Variants in CMTR1 observed in about 807,000 individuals in gnomAD.
CMTR1 encodes cap methyltransferase 1.
CMTR1 carries 39 observed loss-of-function variants against 107.0 expected under a neutral mutation model. That is an observed-to-expected ratio of 0.36 (90% CI 0.28 to 0.48). The LOEUF is 0.48. Ranked by LOEUF, CMTR1 falls within the 20% of genes least tolerant of loss-of-function variation. The probability of loss-of-function intolerance (pLI) is 0.99; values close to 1 mark genes in which losing one functional copy is unlikely to be tolerated. For synonymous variants in CMTR1, 366 were observed against 379.5 expected (o/e 0.96, Z 0.41); for missense variants, 672 against 1,064.9 (o/e 0.63, Z 5.14).
At chr6:37,474,277 T>C (rs1319141838) in intron 17 of CMTR1, among the ~76,000 whole-genome samples, 1 of 152,268 alleles carries the variant, frequency 6.6e-6, no homozygotes, top group African/African-American at 2.4e-5. Context: ...CTTAGGTCTT[T>C]TGAGTGGTGC....
intron 3 of CMTR1, among the ~76,000 whole-genome samples, chr6:37,445,045 A>G (rs978708688): frequency 2.0e-5 from 3 of 152,190 alleles, no homozygotes; most frequent in Non-Finnish European, 2.9e-5. Context: ...AAAAAAAGAA[A>G]GAAATATTAT....
chr6:37,458,860 T>C lies in CMTR1; in HGVS notation c.976+50T>C. On this transcript the variant is annotated intron_variant, in intron 9 of 23. Coordinates refer to ENST00000373451, the MANE Select transcript of CMTR1 (RefSeq NM_015050.3). The surrounding 1 kb of genome is among the most constrained non-coding windows in gnomAD (Gnocchi z 4.7). ...GGAGGTATGAGGGACAGCCCCTCTA[T>C]GGGGACTTCAGGTCAGAAGCAGTTG... The C allele has an allele frequency of 6.4e-7, 1 of 1,557,006 alleles. No individual in the cohort carries two copies. The highest frequency in any genetic ancestry group is 8.8e-7 in the Non-Finnish European group (1 of 1,132,490).
chr6:37,436,932 A>G (rs1042456961), intron 2 of CMTR1, among the ~76,000 whole-genome samples: 1 of 152,208 alleles, frequency 6.6e-6, no homozygotes, highest in Non-Finnish European at 1.5e-5. Flanking sequence ...TGAAGGTAGT[A>G]GGAAATACAG....
At chr6:37,433,477 A>G (rs993726705) in intron 1 of CMTR1, 100 bp downstream of exon 1, 7 of 152,266 alleles carry the variant, frequency 4.6e-5, no homozygotes, top group African/African-American at 9.7e-5. Context: ...GCCCGCGGTT[A>G]TGGGTCTCCT....
intron 1 of CMTR1, 86 bp from the exon 2 acceptor site, chr6:37,435,538 A>G: frequency 6.9e-7 from 1 of 1,444,628 alleles, no homozygotes; most frequent in Non-Finnish European, 9.3e-7. Flanking sequence ...ATCTCATCCC[A>G]TTGATGATTT....
chr6:37,447,582 C>T (rs934951121), intron 4 of CMTR1, among the ~76,000 whole-genome samples: 2 of 152,252 alleles, frequency 1.3e-5, no homozygotes, highest in African/African-American at 4.8e-5. Flanking sequence ...CCCTATAGGC[C>T]GGGCATGGTG....
intron 5 of CMTR1, 146 bp downstream of exon 5, chr6:37,450,489 G>A (rs1771927276): frequency 1.5e-6 from 1 of 653,302 alleles, no homozygotes. Flanking sequence ...GTGTCAAGAG[G>A]GAGTGTCATG....
chr6:37,472,333 C>T lies in CMTR1; in HGVS notation c.1621-86C>T. ...TGCCATTCCTCCTCCCCAGTCTGAC[C>T]CTATCTCCTCCACCTGCATATACTC... is the stretch of plus-strand genomic sequence containing the variant. On this transcript the variant is annotated intron_variant, in intron 15 of 23. Transcript: ENST00000373451. The surrounding 1 kb of genome is among the most constrained non-coding windows in gnomAD (Gnocchi z 4.1). The T allele has an allele frequency of 8.1e-7, 1 of 1,240,370 alleles. No homozygotes were observed. Among genetic ancestry groups the T allele is most frequent in the Non-Finnish European group, 1.2e-6 (1 of 841,958 alleles). The allele number at this position is 1,240,370 out of a possible 1,614,324, so 76.8% of individuals were successfully genotyped here.
intron 11 of CMTR1, 72 bp downstream of exon 11, chr6:37,461,717 G>T: frequency 9.4e-7 from 1 of 1,058,232 alleles, no homozygotes; most frequent in East Asian, 2.4e-5. Context: ...ACATGTACAA[G>T]GGGTTGGTGG....
chr6:37,458,508 G>A lies in CMTR1; in HGVS notation c.778-104G>A. The A allele has an allele frequency of 1.9e-6, 2 of 1,073,308 alleles. No individual in the cohort carries two copies. Among genetic ancestry groups the A allele is most frequent in the Admixed American group, 2.3e-5 (1 of 43,162 alleles). 66.5% of individuals were successfully genotyped at this position (1,073,308 alleles called of 1,614,324 possible). A position where few individuals can be genotyped will look rare whatever the true frequency, so the allele number is the denominator to read the frequency against. On this transcript the variant is annotated intron_variant, in intron 8 of 23. Transcript: ENST00000373451. The surrounding 1 kb of genome is among the most constrained non-coding windows in gnomAD (Gnocchi z 4.7). ...GTAGCTCTGGTGGGAGCTCTGGATT[G>A]TACTTGCCGAAAGGCTTATTTTACT... is the stretch of plus-strand genomic sequence containing the variant.
chr6:37,450,139 C>T, intron 4 of CMTR1, 112 bp from the exon 5 acceptor site: 2 of 857,698 alleles, frequency 2.3e-6, no homozygotes, highest in South Asian at 3.2e-5. Context: ...AACCTGCACC[C>T]TTCTCGGTCT....
chr6:37,469,125 ACT>A (rs1032736090), intron 13 of CMTR1, among the ~76,000 whole-genome samples: 7 of 151,746 alleles, frequency 4.6e-5, no homozygotes, highest in Non-Finnish European at 1.0e-4. Flanking sequence ...ATAGAGTCAG[ACT>A]CTGTTTAAAA....
chr6:37,429,881 T>C (rs1771339651), upstream of CMTR1, among the ~76,000 whole-genome samples: 1 of 151,966 alleles, frequency 6.6e-6, no homozygotes, highest in African/African-American at 2.4e-5. Context: ...GAGGTTGCAG[T>C]GAGCTGAGAT....
intron 10 of CMTR1, among the ~76,000 whole-genome samples, chr6:37,460,530 CT>C (rs138671800): frequency 0.078 from 11,000 of 140,584 alleles, 430 homozygotes; most frequent in African/African-American, 0.12. Flanking sequence ...GTGACCTGGG[CT>C]TTTTTTTTTT....
intron 11 of CMTR1, 52 bp downstream of exon 11, chr6:37,461,697 TTGGACAAGAACATGTACAAG>T: frequency 8.1e-7 from 1 of 1,233,154 alleles, no homozygotes; most frequent in Non-Finnish European, 1.2e-6. Context: ...AGAGGCCCTA[TTGGACAAGAACATGTACAAG>T]GGGTTGGTGG....
In CMTR1 at chr6:37,478,429, A is replaced by G. The variant is rs1323511761; in HGVS notation, c.2174A>G (p.Lys725Arg). 6 of 1,614,018 alleles carry G rather than the reference A, an allele frequency of 3.7e-6. No individual in the cohort carries two copies. Among genetic ancestry groups the G allele is most frequent in the Non-Finnish European group, 1.7e-6 (2 of 1,179,924 alleles). ...IFVRLEMKII[K>R]GSSGTPKLSY... ...ATCAGGTTGGAGATGAAGATCATCA[A>G]GGGCTCCAGTGGCACCCCAAAGCTC... The change falls in exon 22 of 24, where the codon AAG becomes AGG. Residue 725 changes from lysine to arginine, a missense_variant. Transcript: ENST00000373451.
chr6:37,426,974 G>A, the CMTR1 span, among the ~76,000 whole-genome samples: 2 of 152,114 alleles, frequency 1.3e-5, no homozygotes, highest in Admixed American at 1.3e-4. Context: ...GATAAGAAGC[G>A]GGAATGAGAG....
In CMTR1 at chr6:37,480,231, C is replaced by T; in HGVS notation, c.*86C>T. 6.4e-7 allele frequency: 1 copy of T among 1,556,664 alleles called. No homozygotes were observed. The highest frequency in any genetic ancestry group is 8.6e-7 in the Non-Finnish European group (1 of 1,162,726). On this transcript the variant is annotated 3_prime_UTR_variant, in exon 24 of 24. Coordinates refer to ENST00000373451, the MANE Select transcript of CMTR1 (RefSeq NM_015050.3). ...GGGCCCACAGTGCTGGCTTCTTCCC[C>T]CTCTTGAAAAGGGACTGGGGAGCAT...
chr6:37,467,294 G>A (rs1470685578), intron 13 of CMTR1, among the ~76,000 whole-genome samples: 1 of 152,120 alleles, frequency 6.6e-6, no homozygotes, highest in African/African-American at 2.4e-5. Flanking sequence ...TATATGTGTT[G>A]TATTTAATAT....
Sources: allele counts gnomAD v4.1 joint callset (sites outside exome capture counted in the v4.1 genomes callset), GRCh38; gene constraint gnomAD v4.1.1; non-coding constraint Gnocchi (gnomAD v3.1); transcripts MANE v1.5; gene names NCBI Gene and HGNC (gene_info 2026-07-23, HGNC 2026-07-21).